PGCKA1: variants seen among roughly 807,000 people sequenced by gnomAD.
PGCKA1 encodes the protein PDCD10 and GCKIII kinases-associated protein 1.
At chr4:37,541,866 T>C in the PGCKA1 span, among the ~76,000 whole-genome samples, 1 of 152,084 alleles carries the variant, frequency 6.6e-6, no homozygotes, top group Middle Eastern at 3.2e-3. Context: ...TGGGGCTTAT[T>C]TGGGGCCTAC....
chr4:37,458,446 TA>T, the PGCKA1 span, among the ~76,000 whole-genome samples: 3 of 149,344 alleles, frequency 2.0e-5, no homozygotes, highest in Non-Finnish European at 4.5e-5. Flanking sequence ...CTTCTGTAGA[TA>T]AGCAGTTTGG....
At chr4:37,529,823 T>C in the PGCKA1 span, among the ~76,000 whole-genome samples, 1 of 152,232 alleles carries the variant, frequency 6.6e-6, no homozygotes, top group Non-Finnish European at 1.5e-5. Context: ...ATGCTGTCAT[T>C]CAGTGTTCAC....
the PGCKA1 span, among the ~76,000 whole-genome samples, chr4:37,482,746 A>G: frequency 6.6e-6 from 1 of 151,996 alleles, no homozygotes; most frequent in African/African-American, 2.4e-5. Context: ...AGGAGGGAAA[A>G]TTGTTTTCAT....
At chr4:37,458,109 T>A in the PGCKA1 span, among the ~76,000 whole-genome samples, 2 of 152,196 alleles carry the variant, frequency 1.3e-5, no homozygotes, top group African/African-American at 4.8e-5. Context: ...TTACTTGGTC[T>A]AACCACCTTA....
chr4:37,490,003 A>G, the PGCKA1 span, among the ~76,000 whole-genome samples: 1 of 151,048 alleles, frequency 6.6e-6, no homozygotes, highest in South Asian at 2.2e-4. Flanking sequence ...TCTTAACACT[A>G]GATTACATAA....
At chr4:37,516,999 G>A in the PGCKA1 span, among the ~76,000 whole-genome samples, 4 of 152,230 alleles carry the variant, frequency 2.6e-5, no homozygotes, top group African/African-American at 9.6e-5. Flanking sequence ...GCTCACGCCT[G>A]TAATCCCTGC....
At chr4:37,566,789 T>G in the PGCKA1 span, among the ~76,000 whole-genome samples, 1 of 151,742 alleles carries the variant, frequency 6.6e-6, no homozygotes, top group Non-Finnish European at 1.5e-5. Flanking sequence ...CCATGTTGGG[T>G]CAGGCTGCTC....
the PGCKA1 span, among the ~76,000 whole-genome samples, chr4:37,515,097 T>C: frequency 0.18 from 27,304 of 152,084 alleles, 2,872 homozygotes; most frequent in Non-Finnish European, 0.22. Context: ...GGCAGGGCCT[T>C]AGGGAGGTGA....
the PGCKA1 span, among the ~76,000 whole-genome samples, chr4:37,477,067 C>T: frequency 2.6e-3 from 403 of 152,254 alleles, 3 homozygotes; most frequent in African/African-American, 9.3e-3. Context: ...AAAAAACATA[C>T]GTTTATGTCA....
At chr4:37,552,388 C>T in the PGCKA1 span, among the ~76,000 whole-genome samples, 16 of 152,154 alleles carry the variant, frequency 1.1e-4, no homozygotes, top group Non-Finnish European at 1.5e-4. Context: ...AGTAGCTTGC[C>T]GATGCTCCCA....
At chr4:37,571,577 G>A in the PGCKA1 span, among the ~76,000 whole-genome samples, 5 of 149,940 alleles carry the variant, frequency 3.3e-5, no homozygotes, top group South Asian at 6.4e-4. Flanking sequence ...TCGCTCTGTC[G>A]CCCAGGCTGG....
chr4:37,500,695 G>A, the PGCKA1 span, among the ~76,000 whole-genome samples: 2 of 152,152 alleles, frequency 1.3e-5, no homozygotes, highest in Non-Finnish European at 2.9e-5. Flanking sequence ...TGCCTTGATG[G>A]TCTGTCTGAT....
chr4:37,565,958 T>G, the PGCKA1 span, among the ~76,000 whole-genome samples: 1 of 152,118 alleles, frequency 6.6e-6, no homozygotes, highest in African/African-American at 2.4e-5. Flanking sequence ...CCAGCCTACA[T>G]CCTTCTCCCG....
the PGCKA1 span, among the ~76,000 whole-genome samples, chr4:37,506,591 T>C: frequency 1.3e-3 from 149 of 118,280 alleles, no homozygotes; most frequent in Middle Eastern, 4.3e-3. Context: ...CCAAAATTAC[T>C]TTTTTTTTTT....
the PGCKA1 span, among the ~76,000 whole-genome samples, chr4:37,504,664 A>G: frequency 3.4e-3 from 520 of 152,012 alleles, 5 homozygotes; most frequent in African/African-American, 0.012. Flanking sequence ...ATTCCTAGGT[A>G]TTTTATTTTA....
At chr4:37,582,306 A>G in the PGCKA1 span, among the ~76,000 whole-genome samples, 55 of 152,274 alleles carry the variant, frequency 3.6e-4, 1 homozygote, top group East Asian at 8.1e-3. Context: ...CCTGTGGGGC[A>G]ATGAAGTGAA....
the PGCKA1 span, among the ~76,000 whole-genome samples, chr4:37,517,677 C>T: frequency 7.2e-4 from 110 of 152,138 alleles, no homozygotes; most frequent in African/African-American, 2.5e-3. Context: ...TGTTGTGATA[C>T]AGGCATGCAA....
the PGCKA1 span, among the ~76,000 whole-genome samples, chr4:37,587,280 C>A: frequency 6.6e-6 from 1 of 152,128 alleles, no homozygotes; most frequent in African/African-American, 2.4e-5. Context: ...GAAAATCCTA[C>A]ACTTAATCAC....
chr4:37,578,191 C>T, the PGCKA1 span, among the ~76,000 whole-genome samples: 10 of 152,254 alleles, frequency 6.6e-5, no homozygotes, highest in African/African-American at 9.6e-5. Context: ...CCCTCTCTTT[C>T]GCTCCAGTAA....
Sources: allele counts gnomAD v4.1 joint callset (sites outside exome capture counted in the v4.1 genomes callset), GRCh38; gene constraint gnomAD v4.1.1; transcripts MANE v1.5; gene names NCBI Gene and HGNC (gene_info 2026-07-23, HGNC 2026-07-21).